The following PRIMA1 variants were observed in gnomAD, a reference collection of about 807,000 sequenced individuals.
The protein encoded by PRIMA1 is proline rich membrane anchor 1.
Under a neutral mutation model 17.5 loss-of-function variants are expected in PRIMA1, and 7 were observed. That is an observed-to-expected ratio of 0.40 (90% CI 0.23 to 0.75). The LOEUF (loss-of-function observed/expected upper bound fraction) is 0.75. Among genes scored for constraint, PRIMA1 ranks in the 30% least tolerant of loss-of-function variants. The probability of loss-of-function intolerance (pLI) is 0.37; values close to 1 mark genes in which losing one functional copy is unlikely to be tolerated. For missense variants in PRIMA1, 200 were observed against 201.8 expected, an observed-to-expected ratio of 0.99 and a Z score of 0.05; for synonymous variants, 97 against 77.9, an observed-to-expected ratio of 1.25 and a Z score of -1.29.
At chr14:93,782,185 G>A (rs1027292649) in intron 2 of PRIMA1, among the ~76,000 whole-genome samples, 50 of 151,510 alleles carry the variant, frequency 3.3e-4, no homozygotes, top group South Asian at 6.3e-4. Flanking sequence ...GGAGAATGGC[G>A]TGAACACGGG....
At chr14:93,731,545 A>C (rs1325924557) in intron 4 of PRIMA1, among the ~76,000 whole-genome samples, 1 of 152,256 alleles carries the variant, frequency 6.6e-6, no homozygotes, top group African/African-American at 2.4e-5. Flanking sequence ...TGCTCTAGCC[A>C]TACTTTCTAA....
upstream of PRIMA1, among the ~76,000 whole-genome samples, chr14:93,788,819 C>T (rs1216021973): frequency 2.0e-5 from 3 of 151,966 alleles, no homozygotes; most frequent in African/African-American, 7.2e-5. Flanking sequence ...AAGTCTCCTC[C>T]ACGCCGCCTG....
At chr14:93,771,622 T>A (rs1345396946) in intron 3 of PRIMA1, among the ~76,000 whole-genome samples, 3 of 152,156 alleles carry the variant, frequency 2.0e-5, no homozygotes, top group African/African-American at 7.2e-5. Flanking sequence ...AAAGAAAATA[T>A]GTTGGTGTTG....
chr14:93,743,913 A>G (rs1302966224), intron 3 of PRIMA1, among the ~76,000 whole-genome samples: 1 of 152,240 alleles, frequency 6.6e-6, no homozygotes, highest in Non-Finnish European at 1.5e-5. Context: ...AGGGGGCGGG[A>G]CGCTGAAAAG....
At chr14:93,730,382 C>T (rs116561897) in intron 4 of PRIMA1, among the ~76,000 whole-genome samples, 4,224 of 152,290 alleles carry the variant, frequency 0.028, 177 homozygotes, top group African/African-American at 0.091. Context: ...GATGACATCT[C>T]AGAGGAGGTG....
intron 4 of PRIMA1, among the ~76,000 whole-genome samples, chr14:93,723,308 G>T (rs960531977): frequency 6.6e-6 from 1 of 152,166 alleles, no homozygotes; most frequent in Non-Finnish European, 1.5e-5. Flanking sequence ...ATAGGCCCAG[G>T]AGTTGATTGC....
chr14:93,760,149 G>A (rs1023084247), intron 3 of PRIMA1, among the ~76,000 whole-genome samples: 7 of 152,184 alleles, frequency 4.6e-5, no homozygotes, highest in Admixed American at 3.9e-4. Context: ...ACAAGGCAAC[G>A]TCTTGGCACA....
chr14:93,778,197 A>G (rs1462364631), intron 3 of PRIMA1, among the ~76,000 whole-genome samples: 1 of 152,262 alleles, frequency 6.6e-6, no homozygotes, highest in Non-Finnish European at 1.5e-5. Flanking sequence ...AGTGGGCCCA[A>G]GAAGACGCAT....
chr14:93,743,097 G>T (rs2076194212), intron 3 of PRIMA1, among the ~76,000 whole-genome samples: 1 of 152,242 alleles, frequency 6.6e-6, no homozygotes. Context: ...GAGTCTAGAA[G>T]AGGGGAGTGA....
intron 3 of PRIMA1, 80 bp downstream of exon 3, chr14:93,779,096 C>T: frequency 9.5e-7 from 1 of 1,056,268 alleles, no homozygotes; most frequent in East Asian, 2.9e-5. Context: ...GCAGGGCTGC[C>T]CTCGGCCACA....
chr14:93,747,233 C>G (rs2076223905), intron 3 of PRIMA1, among the ~76,000 whole-genome samples: 1 of 152,132 alleles, frequency 6.6e-6, no homozygotes, highest in South Asian at 2.1e-4. Context: ...GCAGCCACGT[C>G]AGGAAGGGAC....
At chr14:93,725,659 G>C (rs116025223) in intron 4 of PRIMA1, among the ~76,000 whole-genome samples, 6,562 of 152,248 alleles carry the variant, frequency 0.043, 482 homozygotes, top group African/African-American at 0.15. Flanking sequence ...TCATAGGCTT[G>C]TTGGGAGGAT....
intron 3 of PRIMA1, among the ~76,000 whole-genome samples, chr14:93,749,952 G>A (rs751332624): frequency 9.2e-5 from 14 of 152,298 alleles, no homozygotes; most frequent in East Asian, 1.9e-4. Flanking sequence ...AGGCCTAGGC[G>A]GGCAGATCAC....
chr14:93,747,666 G>A (rs1198817764), intron 3 of PRIMA1, among the ~76,000 whole-genome samples: 4 of 150,820 alleles, frequency 2.7e-5, no homozygotes, highest in Non-Finnish European at 4.4e-5. Context: ...GTGTGTGAGA[G>A]TGAGTGTGTG....
intron 3 of PRIMA1, among the ~76,000 whole-genome samples, chr14:93,777,059 A>C (rs1359399765): frequency 6.6e-6 from 1 of 152,248 alleles, no homozygotes; most frequent in Non-Finnish European, 1.5e-5. Context: ...GAGTTTATTT[A>C]AAGAAAAAAA....
chr14:93,776,137 C>G (rs1885215912), intron 3 of PRIMA1, among the ~76,000 whole-genome samples: 1 of 152,200 alleles, frequency 6.6e-6, no homozygotes, highest in Admixed American at 6.5e-5. Context: ...CAGGAGAAAT[C>G]AGGAGAGAGC....
intron 3 of PRIMA1, among the ~76,000 whole-genome samples, chr14:93,737,727 C>A (rs1231630212): frequency 1.3e-5 from 2 of 152,180 alleles, no homozygotes; most frequent in African/African-American, 2.4e-5. Flanking sequence ...CCCCACCCTG[C>A]GGCAGGTGAC....
intron 3 of PRIMA1, among the ~76,000 whole-genome samples, chr14:93,771,424 G>A (rs558067543): frequency 4.3e-4 from 66 of 152,128 alleles, no homozygotes; most frequent in Non-Finnish European, 7.3e-4. Flanking sequence ...TTCACAAGGC[G>A]GCATCACATG....
rs190578634 is a variant in PRIMA1, at chr14:93,718,776, C to G, written c.*2668G>C. ...GGAACACCTGAAACCTCTGGGAGATCCTATGATCTGAGTTCCAAAGTTGGG... is the reference window on the plus strand; with the variant it reads ...GGAACACCTGAAACCTCTGGGAGATGCTATGATCTGAGTTCCAAAGTTGGG... On this transcript the variant is annotated 3_prime_UTR_variant, in exon 5 of 5. Coordinates refer to ENST00000393140, the MANE Select transcript of PRIMA1 (RefSeq NM_178013.4). 6.6e-6 allele frequency: 1 copy of G among 152,602 alleles called. No homozygotes were observed. The highest frequency in any genetic ancestry group is 6.5e-5 in the Admixed American group (1 of 15,276). The allele number at this position is 152,602 out of a possible 1,614,324, so 9.5% of individuals were successfully genotyped here.
Sources: gnomAD v4.1 joint callset for allele counts (sites outside exome capture counted in the v4.1 genomes callset) on GRCh38, gnomAD v4.1.1 for gene constraint, MANE v1.5 for transcripts, NCBI Gene and HGNC (gene_info 2026-07-23, HGNC 2026-07-21) for gene names.